Variants in CHL1 observed in about 807,000 individuals in gnomAD.
CHL1 encodes the protein neural cell adhesion molecule L1-like protein.
Under a neutral mutation model 141.9 loss-of-function variants are expected in CHL1, and 96 were observed. The ratio of observed to expected loss-of-function variants is 0.68; its 90% CI spans 0.57 to 0.80. The LOEUF (loss-of-function observed/expected upper bound fraction) is 0.80. Ranked by LOEUF, CHL1 falls within the 30% of genes least tolerant of loss-of-function variation. CHL1 has a pLI of 0.00. For synonymous variants in CHL1, 613 were observed against 502.2 expected (o/e 1.22, Z -2.95); for missense variants, 1,820 against 1,457.2 (o/e 1.25, Z -4.05).
At chr3:203,745 C>G (rs1456790606) in intron 1 of CHL1, among the ~76,000 whole-genome samples, 1 of 152,230 alleles carries the variant, frequency 6.6e-6, no homozygotes, top group Non-Finnish European at 1.5e-5. Context: ...CAGTGCTCTG[C>G]TTCTACCCCA....
At position 218,584 on chromosome 3, in the gene CHL1, A is replaced by G. The variant is rs114701865; in HGVS notation, c.-175+21521A>G. Among the ~76,000 whole-genome samples the G allele has an allele frequency of 6.1e-3, 927 of 152,334 alleles. 11 individuals are homozygous for G. The highest frequency in any genetic ancestry group is 0.021 in the African/African-American group (885 of 41,572). ...ATTCCTGCCCTAAGTTTTAGCCCATATATTGATGATGTCAAGTGCTGCTAA... is the reference window on the plus strand; with the variant it reads ...ATTCCTGCCCTAAGTTTTAGCCCATGTATTGATGATGTCAAGTGCTGCTAA... On this transcript the variant is annotated intron_variant, in intron 1 of 27. Coordinates refer to ENST00000256509, the MANE Select transcript of CHL1 (RefSeq NM_006614.4).
chr3:276,757 C>A (rs562185030), intron 2 of CHL1, among the ~76,000 whole-genome samples: 1 of 151,764 alleles, frequency 6.6e-6, no homozygotes, highest in South Asian at 2.1e-4. Flanking sequence ...GGCATGCTGG[C>A]CGGCACCTGT....
rs568260578 is a variant in CHL1 at position 271,342 on chromosome 3, G to A, written c.-95+26650G>A. Among the ~76,000 whole-genome samples the A allele has an allele frequency of 2.5e-3, 379 of 152,324 alleles. 5 individuals carry two copies. Among genetic ancestry groups the A allele is most frequent in the Non-Finnish European group, 4.1e-3 (276 of 68,030 alleles). On this transcript the variant is annotated intron_variant, in intron 2 of 27. Coordinates refer to ENST00000256509, the MANE Select transcript of CHL1 (RefSeq NM_006614.4). ...TAGTTCCAGGTACTCAGGAGGCTGAGGCAGGAGGACTGCTTGAGCCCAGCA... is the reference window on the plus strand; with the variant it reads ...TAGTTCCAGGTACTCAGGAGGCTGAAGCAGGAGGACTGCTTGAGCCCAGCA...
intron 15 of CHL1, among the ~76,000 whole-genome samples, chr3:368,712 T>A (rs923775596): frequency 6.6e-6 from 1 of 152,192 alleles, no homozygotes; most frequent in African/African-American, 2.4e-5. Flanking sequence ...CTTCTAGGGT[T>A]TTTAATGGTT....
In CHL1 at chr3:273,716, C is replaced by G. The variant is rs905311773; in HGVS notation, c.-95+29024C>G. ...TTTTAAAGAATAAGGGTATATATCT[C>G]TTATGAATGCTTCTTATTTTTAAGT... On this transcript the variant is annotated intron_variant, in intron 2 of 27. Coordinates refer to ENST00000256509, the MANE Select transcript of CHL1 (RefSeq NM_006614.4). Among the ~76,000 whole-genome samples the G allele has an allele frequency of 9.6e-4, 146 of 152,068 alleles. 3 individuals are homozygous for G. The highest frequency in any genetic ancestry group is 9.6e-3 in the Admixed American group (146 of 15,254).
intron 2 of CHL1, among the ~76,000 whole-genome samples, chr3:302,221 T>C (rs1366887024): frequency 6.6e-6 from 1 of 152,244 alleles, no homozygotes; most frequent in African/African-American, 2.4e-5. Context: ...TGTGCATGTG[T>C]CTATCGTAGA....
At chr3:337,663 A>T (rs919212064) in intron 5 of CHL1, among the ~76,000 whole-genome samples, 1 of 152,122 alleles carries the variant, frequency 6.6e-6, no homozygotes, top group Non-Finnish European at 1.5e-5. Flanking sequence ...GATGGTTTTC[A>T]GCTTCAACCA....
chr3:266,604 T>C (rs958675819), intron 2 of CHL1, among the ~76,000 whole-genome samples: 5 of 144,054 alleles, frequency 3.5e-5, no homozygotes, highest in Non-Finnish European at 7.8e-5. Context: ...AGGCTTACTT[T>C]GCAATATGTC....
intron 7 of CHL1, 142 bp downstream of exon 7, chr3:342,224 A>G: frequency 3.3e-6 from 2 of 612,648 alleles, no homozygotes; most frequent in Non-Finnish European, 5.4e-6. Flanking sequence ...TTCCAGATGA[A>G]ATAGACATCT....
In CHL1 at chr3:389,431, T is replaced by G. The variant is rs1236525671; in HGVS notation, c.2427T>G (p.Ser809=). 1.9e-6 allele frequency: 3 copies of G among 1,614,214 alleles called. No homozygotes were observed. The highest frequency in any genetic ancestry group is 1.3e-5 in the African/African-American group (1 of 75,062). ...TCCAGGCTATCAATCAACTAGGATC[T>G]GGGCCTGACCCTCAGTCAGTGACTC... ...VKVQAINQLG[S]GPDPQSVTLY... is the part of the protein sequence containing the mutation. The change falls in exon 20 of 28, where the codon TCT becomes TCG. Residue 809 remains serine (S), a synonymous_variant. Coordinates refer to ENST00000256509, the MANE Select transcript of CHL1 (RefSeq NM_006614.4).
At chr3:328,419 T>C (rs1326977470) in intron 5 of CHL1, 65 bp downstream of exon 5, 4 of 1,314,300 alleles carry the variant, frequency 3.0e-6, no homozygotes, top group African/African-American at 1.5e-5. Context: ...AGGAGTTAGA[T>C]TGGGTTCCAA....
At chr3:253,106 C>T (rs1052034297) in intron 2 of CHL1, among the ~76,000 whole-genome samples, 1 of 152,056 alleles carries the variant, frequency 6.6e-6, no homozygotes, top group African/African-American at 2.4e-5. Flanking sequence ...CTTAATTTCT[C>T]ATCAGTAAAG....
intron 1 of CHL1, among the ~76,000 whole-genome samples, chr3:205,661 G>T (rs749716231): frequency 6.6e-6 from 1 of 152,024 alleles, no homozygotes; most frequent in Non-Finnish European, 1.5e-5. Flanking sequence ...GTGTGTGTGC[G>T]CGCGCACGTG....
intron 22 of CHL1, 110 bp downstream of exon 22, chr3:391,269 A>C (rs1193398007): frequency 1.2e-5 from 10 of 862,054 alleles, no homozygotes; most frequent in Non-Finnish European, 1.8e-5. Context: ...AAATCCCAGC[A>C]CTTTGGGAGG....
chr3:334,663 T>C (rs1057207276), intron 5 of CHL1, among the ~76,000 whole-genome samples: 2 of 152,246 alleles, frequency 1.3e-5, no homozygotes, highest in Non-Finnish European at 2.9e-5. Context: ...TCATTTCCTG[T>C]TAATCCATCC....
chr3:295,989 A>G (rs1452189494), intron 2 of CHL1, among the ~76,000 whole-genome samples: 2 of 151,846 alleles, frequency 1.3e-5, no homozygotes, highest in African/African-American at 4.9e-5. Flanking sequence ...GAACTATAGT[A>G]CAACTCCCTC....
intron 2 of CHL1, among the ~76,000 whole-genome samples, chr3:254,265 A>G (rs1477321418): frequency 2.0e-5 from 3 of 152,022 alleles, no homozygotes; most frequent in African/African-American, 7.2e-5. Flanking sequence ...GCTTCCGAAC[A>G]CCCCTTTCCC....
chr3:379,120 A>G (rs9881636), intron 16 of CHL1, among the ~76,000 whole-genome samples: 24,292 of 152,002 alleles, frequency 0.16, 6,025 homozygotes, highest in African/African-American at 0.53. Context: ...TGTTGGGGCC[A>G]CCTGTTAGGT....
intron 15 of CHL1, among the ~76,000 whole-genome samples, chr3:377,415 G>T (rs1706468652): frequency 6.6e-6 from 1 of 152,160 alleles, no homozygotes; most frequent in Non-Finnish European, 1.5e-5. Context: ...TGGAATTCAG[G>T]AATCTGCCTT....
Sources: gnomAD v4.1 joint callset for allele counts (sites outside exome capture counted in the v4.1 genomes callset) on GRCh38, gnomAD v4.1.1 for gene constraint, MANE v1.5 for transcripts, NCBI Gene and HGNC (gene_info 2026-07-23, HGNC 2026-07-21) for gene names.